Variants in EXOSC7 observed in about 807,000 individuals in gnomAD.
EXOSC7 encodes exosome complex component RRP42.
In EXOSC7, 25 loss-of-function variants were observed where a neutral mutation model predicts 34.3. The observed-to-expected ratio is 0.73, with a 90% CI of 0.53 to 1.02. The LOEUF (loss-of-function observed/expected upper bound fraction) is 1.02. EXOSC7 is among the 50% of genes least tolerant of loss of function. The pLI is 0.00. For synonymous variants in EXOSC7, 130 were observed against 143.0 expected, an observed-to-expected ratio of 0.91 and a Z score of 0.65; for missense variants, 370 against 368.5, an observed-to-expected ratio of 1.00 and a Z score of -0.03.
chr3:44,997,065 T>C (rs1706741099), intron 3 of EXOSC7, 22 bp from the exon 4 acceptor site: 1 of 1,609,450 alleles, frequency 6.2e-7, no homozygotes. Context: ...TCACCCAGTT[T>C]TTTTGTTTCT....
At chr3:45,011,510 G>A (rs1697286075), downstream of EXOSC7, 2 of 508,684 alleles carry the variant, frequency 3.9e-6, no homozygotes, top group Admixed American at 3.6e-5. Context: ...TGAAGCCAAG[G>A]CACCATTCAG....
intron 3 of EXOSC7, among the ~76,000 whole-genome samples, chr3:44,992,520 T>G (rs1378976524): frequency 6.6e-6 from 1 of 152,170 alleles, no homozygotes; most frequent in Non-Finnish European, 1.5e-5. Flanking sequence ...GAAAAATCTT[T>G]GATATAGCCC....
intron 3 of EXOSC7, among the ~76,000 whole-genome samples, chr3:44,995,242 G>A (rs776804465): frequency 3.0e-4 from 46 of 152,094 alleles, no homozygotes; most frequent in Admixed American, 9.8e-4. Context: ...CTTGGCCTCC[G>A]AAAGTGCTGG....
chr3:45,003,104 G>T (rs1387073086), intron 5 of EXOSC7, among the ~76,000 whole-genome samples: 1 of 152,162 alleles, frequency 6.6e-6, no homozygotes, highest in African/African-American at 2.4e-5. Context: ...TCAGGTAGGG[G>T]AGGACACCTG....
chr3:44,976,404 G>T (rs1413550146), intron 1 of EXOSC7, 70 bp downstream of exon 1: 1 of 1,407,224 alleles, frequency 7.1e-7, no homozygotes, highest in Non-Finnish European at 9.5e-7. Flanking sequence ...GCCTGCCCTG[G>T]GTTTGCCAGT....
At chr3:44,989,505 TG>T in intron 2 of EXOSC7, 44 bp from the exon 3 acceptor site, 1 of 1,466,322 alleles carries the variant, frequency 6.8e-7, no homozygotes. Flanking sequence ...GTGGAGTACC[TG>T]GCTGCATACT....
chr3:44,994,060 C>T (rs921669864), intron 3 of EXOSC7, among the ~76,000 whole-genome samples: 1 of 152,046 alleles, frequency 6.6e-6, no homozygotes, highest in Admixed American at 6.6e-5. Context: ...GGCCAGGCTG[C>T]CTGGGTTAGA....
In EXOSC7 at chr3:45,011,256, G is replaced by A; in HGVS notation, c.793G>A (p.Val265Ile). 6.2e-7 allele frequency: 1 copy of A among 1,613,146 alleles called. No individual in the cohort carries two copies. Among genetic ancestry groups the A allele is most frequent in the Non-Finnish European group, 8.5e-7 (1 of 1,179,564 alleles). The change falls in exon 8 of 8, where the codon GTA becomes ATA. Residue 265 changes from valine (V) to isoleucine (I), a missense_variant. Val to Ile is a conservative substitution (Grantham distance 29). Coordinates refer to ENST00000265564, the MANE Select transcript of EXOSC7 (RefSeq NM_015004.4). ...ACAGACTGGCAAGCGTGTGGGCAAG[G>A]TACTGCATGCCTCCTTGCAGAGTGT... ...MMETGKRVGK[V>I]LHASLQSVVH...
chr3:44,994,856 G>GGGGTGTGTGTGT (rs1313160149), intron 3 of EXOSC7, among the ~76,000 whole-genome samples: 5 of 134,948 alleles, frequency 3.7e-5, no homozygotes, highest in African/African-American at 1.4e-4. Context: ...TGGAAGAATG[G>GGGGTGTGTGTGT]GTGTGTGTGT....
At chr3:44,977,924 C>G (rs1053816451) in intron 1 of EXOSC7, among the ~76,000 whole-genome samples, 3 of 152,166 alleles carry the variant, frequency 2.0e-5, no homozygotes, top group African/African-American at 7.2e-5. Flanking sequence ...TTAATTCCCA[C>G]GGCAGTTCAT....
chr3:45,002,401 A>G (rs1041893471), intron 5 of EXOSC7, among the ~76,000 whole-genome samples: 4 of 152,202 alleles, frequency 2.6e-5, no homozygotes, highest in Non-Finnish European at 4.4e-5. Flanking sequence ...TAGGATGTTC[A>G]TCACATCCTA....
intron 4 of EXOSC7, 43 bp downstream of exon 4, chr3:44,997,295 G>T: frequency 6.4e-7 from 1 of 1,555,974 alleles, no homozygotes; most frequent in South Asian, 1.2e-5. Flanking sequence ...TACCTTTGTT[G>T]GAAAGACTAG....
chr3:44,986,424 A>T (rs186974082), intron 1 of EXOSC7, among the ~76,000 whole-genome samples: 1 of 152,104 alleles, frequency 6.6e-6, no homozygotes, highest in East Asian at 1.9e-4. Flanking sequence ...CCCACCCAGA[A>T]CTCGCGCTGG....
intron 1 of EXOSC7, among the ~76,000 whole-genome samples, chr3:44,982,072 T>C (rs1386891280): frequency 6.6e-6 from 1 of 152,168 alleles, no homozygotes; most frequent in African/African-American, 2.4e-5. Context: ...CTGCAGCCAC[T>C]TGCTGTCCAG....
intron 3 of EXOSC7, 109 bp downstream of exon 3, chr3:44,989,753 A>G (rs545101557): frequency 1.5e-4 from 120 of 814,788 alleles, no homozygotes; most frequent in Non-Finnish European, 2.2e-4. Flanking sequence ...CTTATCATTC[A>G]GCCATCCAGC....
intron 3 of EXOSC7, among the ~76,000 whole-genome samples, chr3:44,992,948 A>G (rs1387505860): frequency 6.6e-6 from 1 of 152,206 alleles, no homozygotes; most frequent in East Asian, 1.9e-4. Context: ...TGGGATCTTA[A>G]CTATTTTTCA....
chr3:45,000,042 T>A (rs1706832018), intron 4 of EXOSC7, among the ~76,000 whole-genome samples: 1 of 152,220 alleles, frequency 6.6e-6, no homozygotes, highest in Non-Finnish European at 1.5e-5. Context: ...CCCACCTGTT[T>A]CCAGTATTGG....
downstream of EXOSC7, among the ~76,000 whole-genome samples, chr3:45,012,019 G>A (rs1393107309): frequency 6.6e-6 from 1 of 152,250 alleles, no homozygotes; most frequent in Admixed American, 6.5e-5. Flanking sequence ...CAGCTTTCAA[G>A]ATGTTGTCAT....
intron 3 of EXOSC7, among the ~76,000 whole-genome samples, chr3:44,996,018 A>T: frequency 6.6e-6 from 1 of 151,878 alleles, no homozygotes; most frequent in East Asian, 1.9e-4. Flanking sequence ...TCCCGCTTCT[A>T]CCTCACTGTT....
Sources: gnomAD v4.1 joint callset for allele counts (sites outside exome capture counted in the v4.1 genomes callset) on GRCh38, gnomAD v4.1.1 for gene constraint, MANE v1.5 for transcripts, NCBI Gene and HGNC (gene_info 2026-07-23, HGNC 2026-07-21) for gene names.